The following UTP20 variants were observed in gnomAD, a reference collection of about 807,000 sequenced individuals.
UTP20 encodes the protein UTP20 small subunit processome component, also known as small subunit processome component 20 homolog.
UTP20 carries 164 observed loss-of-function variants against 329.5 expected under a neutral mutation model. That is an observed-to-expected ratio of 0.50 (90% CI 0.44 to 0.57). The LOEUF (loss-of-function observed/expected upper bound fraction) is 0.57, where lower values mean the gene tolerates loss of function less well. Among genes scored for constraint, UTP20 ranks in the 20% least tolerant of loss-of-function variants. The pLI is 0.00. For synonymous variants in UTP20, 1,151 were observed against 1,159.3 expected, an observed-to-expected ratio of 0.99 and a Z score of 0.14; for missense variants, 3,055 against 3,284.2, an observed-to-expected ratio of 0.93 and a Z score of 1.71.
At chr12:101,321,340 G>A (rs1194943338) in intron 24 of UTP20, among the ~76,000 whole-genome samples, 164 bp from the exon 25 acceptor site, 2 of 151,982 alleles carry the variant, frequency 1.3e-5, no homozygotes, top group Admixed American at 6.5e-5. Context: ...GTACAAATCT[G>A]TCATTTTAGG....
intron 28 of UTP20, among the ~76,000 whole-genome samples, 155 bp from the exon 29 acceptor site, chr12:101,334,270 T>C (rs1473558309): frequency 1.3e-5 from 2 of 152,256 alleles, no homozygotes; most frequent in African/African-American, 4.8e-5. Flanking sequence ...CTTTTGGATC[T>C]CTTTATACTT....
At chr12:101,296,316 A>G (rs1872346811) in intron 12 of UTP20, among the ~76,000 whole-genome samples, 2 of 152,190 alleles carry the variant, frequency 1.3e-5, no homozygotes, top group East Asian at 3.8e-4. Flanking sequence ...TCACGCCTGT[A>G]ATCCCAGCAC....
At chr12:101,293,133 T>C (rs1395978680) in intron 10 of UTP20, 35 bp from the exon 11 acceptor site, 1 of 1,592,154 alleles carries the variant, frequency 6.3e-7, no homozygotes, top group Non-Finnish European at 8.6e-7. Flanking sequence ...ATACTCTCTG[T>C]GTACTTACAT....
chr12:101,328,926 T>C (rs372038846), intron 26 of UTP20, among the ~76,000 whole-genome samples: 1 of 152,064 alleles, frequency 6.6e-6, no homozygotes, highest in South Asian at 2.1e-4. Context: ...ACTCAGGTTT[T>C]GAGGGATAGT....
intron 8 of UTP20, chr12:101,291,480 C>T (rs1048299757): frequency 3.2e-5 from 6 of 188,618 alleles, no homozygotes; most frequent in African/African-American, 1.6e-4. Flanking sequence ...GCAGAGGTTG[C>T]GGTGAGCAAA....
At chr12:101,317,037 G>A (rs1872992709) in intron 21 of UTP20, among the ~76,000 whole-genome samples, 1 of 152,152 alleles carries the variant, frequency 6.6e-6, no homozygotes, top group Non-Finnish European at 1.5e-5. Context: ...ATACCTGGAG[G>A]ACTAAATTTT....
intron 2 of UTP20, among the ~76,000 whole-genome samples, chr12:101,282,946 T>A (rs57224411): frequency 0.061 from 9,234 of 152,198 alleles, 939 homozygotes; most frequent in African/African-American, 0.21. Context: ...AGGTTAAGGC[T>A]GAATGGTTGA....
At chr12:101,326,282 G>A (rs891402089) in intron 25 of UTP20, among the ~76,000 whole-genome samples, 3 of 152,128 alleles carry the variant, frequency 2.0e-5, no homozygotes, top group African/African-American at 7.2e-5. Context: ...TTTTATGTTT[G>A]TAAGCAAGAT....
In UTP20 at chr12:101,383,022, ACC is replaced by A. The variant is rs777735045; in HGVS notation, c.7657-16_7657-15del. On this transcript the variant is annotated splice_polypyrimidine_tract_variant and intron_variant, in intron 58 of 61. Coordinates refer to ENST00000261637, the MANE Select transcript of UTP20 (RefSeq NM_014503.3). The stretch of plus-strand genomic sequence containing the variant: ...AAATCAATGTCCAATTTCTTCCCCC[ACC>A]CCGTTTTTTTTTAAAGGTTGTTAAG... 2 of 1,575,750 alleles carry A rather than the reference ACC, an allele frequency of 1.3e-6. No homozygotes were observed. The highest frequency in any genetic ancestry group is 2.4e-5 in the South Asian group (2 of 83,886).
intron 15 of UTP20, among the ~76,000 whole-genome samples, chr12:101,303,102 C>A (rs556835661): frequency 5.3e-5 from 8 of 152,300 alleles, no homozygotes; most frequent in South Asian, 2.1e-4. Flanking sequence ...AAAGGTCAAG[C>A]CTTGCTGCTT....
At chr12:101,355,211 T>C (rs1869681410) in intron 41 of UTP20, 93 bp downstream of exon 41, 1 of 1,411,934 alleles carries the variant, frequency 7.1e-7, no homozygotes, top group South Asian at 1.4e-5. Context: ...TATTGATTGA[T>C]TTCAGCTTTT....
chr12:101,291,874 G>A lies in UTP20; in HGVS notation c.1024G>A (p.Ala342Thr), dbSNP rs759335513. The change falls in exon 9 of 62, where the codon GCT (alanine) becomes ACT (threonine). Residue 342 changes from alanine to threonine, a missense_variant. Transcript: ENST00000261637. ...HGSGTKIPTP[A>T]DVCKVLSQTL... ...AAGTGGGACAAAGATACCCACGCCT[G>A]CTGATGTCTGTAAGGTGAGTTCCCA... 3.7e-6 allele frequency: 6 copies of A among 1,612,540 alleles called. No individual in the cohort carries two copies. In the Admixed American group the frequency reaches 6.7e-5, roughly 18 times the overall value.
chr12:101,350,313 T>C (rs1162411859), intron 38 of UTP20, among the ~76,000 whole-genome samples: 1 of 152,028 alleles, frequency 6.6e-6, no homozygotes, highest in Non-Finnish European at 1.5e-5. Flanking sequence ...ACTCCAGGTG[T>C]ACACCACTGC....
rs761060146 is a variant in UTP20, at chr12:101,372,874, T to G, written c.6799-10T>G. On this transcript the variant is annotated splice_polypyrimidine_tract_variant and intron_variant, in intron 51 of 61. Transcript: ENST00000261637. ...ATCCAAATAATCATCTGTGTGACTT[T>G]TGTTCCTAGGTTTTTCTGAAATATA... The G allele has an allele frequency of 6.2e-7, 1 of 1,610,956 alleles. No individual in the cohort carries two copies. The highest frequency in any genetic ancestry group is 8.5e-7 in the Non-Finnish European group (1 of 1,177,174).
At chr12:101,296,789 C>T (rs1434188699) in intron 12 of UTP20, among the ~76,000 whole-genome samples, 1 of 151,736 alleles carries the variant, frequency 6.6e-6, no homozygotes, top group Non-Finnish European at 1.5e-5. Context: ...AATTATATAC[C>T]TTTGTATTGT....
chr12:101,312,043 A>G lies in UTP20; in HGVS notation c.2319A>G (p.Glu773=), dbSNP rs1872808658. 1.9e-5 allele frequency: 30 copies of G among 1,614,252 alleles called. No homozygotes were observed. The highest frequency in any genetic ancestry group is 2.5e-5 in the Non-Finnish European group (29 of 1,180,042). ...CAACTTTCTTTCTTGCAGAGAAGGA[A>G]CTACAGAATGATATGACAGATGAGA... ...LEKAATHAEK[E]LQNDMTDEKS... The change falls in exon 21 of 62, where the codon GAA becomes GAG. Residue 773 remains glutamate (E), a synonymous_variant. Transcript: ENST00000261637.
At chr12:101,377,467 A>G (rs1870512828) in intron 56 of UTP20, among the ~76,000 whole-genome samples, 1 of 151,994 alleles carries the variant, frequency 6.6e-6, no homozygotes, top group Non-Finnish European at 1.5e-5. Context: ...AGTAGCTGGG[A>G]CTACAGGCGT....
chr12:101,321,851 GCTCCCA>G (rs1163254632), intron 25 of UTP20, among the ~76,000 whole-genome samples: 1 of 144,798 alleles, frequency 6.9e-6, no homozygotes, highest in East Asian at 2.1e-4. Flanking sequence ...CTCAAGTGAT[GCTCCCA>G]CCTTGGCCTC....
chr12:101,310,917 A>G (rs1219492080), intron 19 of UTP20, among the ~76,000 whole-genome samples: 1 of 152,196 alleles, frequency 6.6e-6, no homozygotes, highest in Non-Finnish European at 1.5e-5. Flanking sequence ...CATCAGCTTC[A>G]TTATTTTGTT....
Sources: allele counts gnomAD v4.1 joint callset (sites outside exome capture counted in the v4.1 genomes callset), GRCh38; gene constraint gnomAD v4.1.1; transcripts MANE v1.5; gene names NCBI Gene and HGNC (gene_info 2026-07-23, HGNC 2026-07-21).